The following CCNT2 variants were observed in gnomAD, a reference collection of about 807,000 sequenced individuals.
CCNT2 encodes cyclin T2.
In CCNT2, 18 loss-of-function variants were observed where a neutral mutation model predicts 70.0. The observed-to-expected ratio is 0.26, with a 90% CI of 0.18 to 0.38. The LOEUF is 0.38. CCNT2 is among the 10% of genes least tolerant of loss of function. The probability of loss-of-function intolerance (pLI) is 1.00; values close to 1 mark genes in which losing one functional copy is unlikely to be tolerated. For missense variants in CCNT2, 734 were observed against 890.2 expected (o/e 0.82, Z 2.23); for synonymous variants, 334 against 313.3 (o/e 1.07, Z -0.70).
At chr2:134,944,466 A>G (rs1428946697) in intron 5 of CCNT2, 1 of 966,714 alleles carries the variant, frequency 1.0e-6, no homozygotes, top group Non-Finnish European at 1.2e-6. Context: ...AGAGATTAAT[A>G]TTTTTTGTAC....
intron 7 of CCNT2, 81 bp downstream of exon 7, chr2:134,947,980 C>T: frequency 4.0e-6 from 3 of 749,280 alleles, no homozygotes; most frequent in Middle Eastern, 2.6e-4. Flanking sequence ...AGTGTCAGTA[C>T]ACTATCAGAT....
chr2:134,952,482 G>T (rs1041543811), intron 7 of CCNT2, among the ~76,000 whole-genome samples, 159 bp from the exon 8 acceptor site: 1 of 152,178 alleles, frequency 6.6e-6, no homozygotes, highest in East Asian at 1.9e-4. Flanking sequence ...GAAAATGCCG[G>T]TTGAGAGTTG....
chr2:134,941,690 T>C (rs947660461), intron 4 of CCNT2, among the ~76,000 whole-genome samples: 2 of 152,188 alleles, frequency 1.3e-5, no homozygotes, highest in Non-Finnish European at 2.9e-5. Context: ...AGTAAAAAAT[T>C]GAAAATGAAA....
intron 1 of CCNT2, among the ~76,000 whole-genome samples, chr2:134,919,451 C>T (rs1559084234): frequency 6.6e-6 from 1 of 152,268 alleles, no homozygotes; most frequent in African/African-American, 2.4e-5. Flanking sequence ...CGGCTCTCTT[C>T]TACCTTGGGA....
intron 5 of CCNT2, chr2:134,944,911 A>G (rs1218834582): frequency 7.1e-6 from 7 of 984,926 alleles, no homozygotes; most frequent in African/African-American, 1.8e-5. Flanking sequence ...TTCTCTACGT[A>G]TTTTTATTCG....
intron 1 of CCNT2, 49 bp from the exon 2 acceptor site, chr2:134,919,761 G>A: frequency 7.2e-7 from 1 of 1,394,754 alleles, no homozygotes; most frequent in South Asian, 1.2e-5. Flanking sequence ...AATTGTTCTG[G>A]GAATGAGATC....
At chr2:134,941,577 A>G (rs1175069128) in intron 4 of CCNT2, among the ~76,000 whole-genome samples, 1 of 152,204 alleles carries the variant, frequency 6.6e-6, no homozygotes, top group Non-Finnish European at 1.5e-5. Context: ...TGAAGTTTCT[A>G]TAAAATAAAA....
chr2:134,936,691 T>A, intron 2 of CCNT2, 150 bp from the exon 3 acceptor site: 1 of 529,138 alleles, frequency 1.9e-6, no homozygotes, highest in Non-Finnish European at 3.2e-6. Context: ...GAGGTGGAGC[T>A]TTCAGTGAGC....
In CCNT2 at chr2:134,947,803, G is replaced by T; in HGVS notation, c.607G>T (p.Ala203Ser). 1 of 1,561,460 alleles carries T rather than the reference G, an allele frequency of 6.4e-7. No individual in the cohort carries two copies. The highest frequency in any genetic ancestry group is 1.2e-5 in the South Asian group (1 of 84,300). The part of the protein sequence containing the change: ...TVIACVCIHL[A>S]CKWSNWEIPV... Reference sequence around the variant, plus strand: ...GATAGCATGTGTATGCATTCATTTGGCTTGCAAATGGTCCAATTGGGAGAT... The same window carrying T: ...GATAGCATGTGTATGCATTCATTTGTCTTGCAAATGGTCCAATTGGGAGAT... Residue 203 changes from alanine (A) to serine (S), a missense_variant, in exon 7 of 9, where the codon GCT (alanine) becomes TCT (serine). By Grantham distance (99) the Ala-to-Ser change is moderately conservative (BLOSUM62 1). Around this residue, in one of 3 missense-constraint regions of CCNT2, gnomAD observed 161 missense variants for 303.8 expected, o/e 0.53. Transcript: ENST00000264157.
At chr2:134,924,111 G>A (rs1223191399) in intron 2 of CCNT2, among the ~76,000 whole-genome samples, 1 of 152,134 alleles carries the variant, frequency 6.6e-6, no homozygotes, top group Non-Finnish European at 1.5e-5. Flanking sequence ...TTAAGACTCA[G>A]CTGAAGTTGC....
intron 2 of CCNT2, among the ~76,000 whole-genome samples, chr2:134,928,576 C>G (rs1275579258): frequency 6.6e-6 from 1 of 152,162 alleles, no homozygotes; most frequent in East Asian, 1.9e-4. Context: ...CCGTGCCCAG[C>G]CTATATTTCT....
At chr2:134,950,579 G>A (rs1225214517) in intron 7 of CCNT2, among the ~76,000 whole-genome samples, 5 of 152,134 alleles carry the variant, frequency 3.3e-5, no homozygotes, top group Admixed American at 2.6e-4. Context: ...CAAGGTTGTA[G>A]TGAGCTGTGA....
At position 134,928,274 on chromosome 2, in the gene CCNT2, C is replaced by CTTTTTTTTTTTTTTTTTTTTTTTT. The variant is rs551173090; in HGVS notation, c.240+8402_240+8403insTTTTTTTTTTTTTTTTTTTTTTTT. On this transcript the variant is annotated intron_variant, in intron 2 of 8. Transcript: ENST00000264157. ...CCATGCCCGGCCTCACATTGTATTT[C>CTTTTTTTTTTTTTTTTTTTTTTTT]TTTTTTTTTTTTTTTTTTTCTGAGA... Among the ~76,000 whole-genome samples, 394 of 96,340 alleles carry CTTTTTTTTTTTTTTTTTTTTTTTT rather than the reference C, an allele frequency of 4.1e-3. 35 individuals are homozygous for CTTTTTTTTTTTTTTTTTTTTTTTT. Among genetic ancestry groups the CTTTTTTTTTTTTTTTTTTTTTTTT allele is most frequent in the Non-Finnish European group, 5.1e-3 (249 of 49,264 alleles). 63.2% of individuals were successfully genotyped at this position (96,340 alleles called of 152,430 possible).
In CCNT2 at chr2:134,918,871, G is replaced by C. The variant is rs764269176; in HGVS notation, c.17G>C (p.Gly6Ala). Residue 6 changes from glycine to alanine, a missense_variant, in exon 1 of 9, where the codon GGA becomes GCA. Gly to Ala is a moderately conservative substitution (Grantham distance 60). Around this residue, in one of 3 missense-constraint regions of CCNT2, gnomAD observed 41 missense variants for 29.5 expected, o/e 1.39. Transcript: ENST00000264157. ...GGAAGTGTCATGGCGTCGGGCCGTG[G>C]AGCTTCTTCTCGCTGGTTCTTTACT... The part of the protein sequence containing the change: MASGR[G>A]ASSRWFFTRE... 4 of 1,613,668 alleles carry C rather than the reference G, an allele frequency of 2.5e-6. No individual in the cohort carries two copies. The highest frequency in any genetic ancestry group is 2.5e-6 in the Non-Finnish European group (3 of 1,179,724).
At chr2:134,926,751 A>G (rs989179448) in intron 2 of CCNT2, among the ~76,000 whole-genome samples, 2 of 151,962 alleles carry the variant, frequency 1.3e-5, no homozygotes, top group African/African-American at 2.4e-5. Context: ...CCTCATTCGT[A>G]TGTGTTAGGA....
At position 134,936,833 on chromosome 2, in the gene CCNT2, T is replaced by C. The variant is rs1014496708; in HGVS notation, c.241-8T>C. ...TCTTAAATGACCAGAGTTTTATCTT[T>C]TCTGCAGATAATATCGTCTACTGCA... On this transcript the variant is annotated splice_polypyrimidine_tract_variant and splice_region_variant and intron_variant, in intron 2 of 8. Coordinates refer to ENST00000264157, the MANE Select transcript of CCNT2 (RefSeq NM_058241.3). The C allele has an allele frequency of 1.2e-6, 2 of 1,604,262 alleles. No individual in the cohort carries two copies. Among genetic ancestry groups the C allele is most frequent in the Non-Finnish European group, 1.7e-6 (2 of 1,176,632 alleles).
At chr2:134,946,036 G>T in intron 5 of CCNT2, 65 bp from the exon 6 acceptor site, 1 of 1,607,542 alleles carries the variant, frequency 6.2e-7, no homozygotes, top group African/African-American at 1.3e-5. Context: ...GTTGTGTTGA[G>T]AACTTTTTGA....
At chr2:134,937,283 A>C (rs1681228140) in intron 3 of CCNT2, among the ~76,000 whole-genome samples, 1 of 152,184 alleles carries the variant, frequency 6.6e-6, no homozygotes, top group Non-Finnish European at 1.5e-5. Context: ...CCTCCGCTGG[A>C]AGCTGTATTT....
chr2:134,942,812 C>A, intron 5 of CCNT2, 138 bp downstream of exon 5: 1 of 1,409,214 alleles, frequency 7.1e-7, no homozygotes, highest in Non-Finnish European at 9.3e-7. Context: ...TTAAGCATTA[C>A]TTTTTAGTGT....
Sources: allele counts gnomAD v4.1 joint callset (sites outside exome capture counted in the v4.1 genomes callset), GRCh38; gene constraint gnomAD v4.1.1; regional missense constraint gnomAD v4.1.1; transcripts MANE v1.5; gene names NCBI Gene and HGNC (gene_info 2026-07-23, HGNC 2026-07-21).